FGF13: variants seen among roughly 807,000 people sequenced by gnomAD.
FGF13 encodes fibroblast growth factor homologous factor 2.
A neutral mutation model predicts 19.5 loss-of-function variants in FGF13; 2 were observed. The ratio of observed to expected loss-of-function variants is 0.10; its 90% CI spans 0.04 to 0.32. The LOEUF (loss-of-function observed/expected upper bound fraction) is 0.32. FGF13 is among the 10% of genes least tolerant of loss of function. The probability of loss-of-function intolerance (pLI) is 1.00; values close to 1 mark genes in which losing one functional copy is unlikely to be tolerated. For synonymous variants in FGF13, 72 were observed against 76.9 expected (o/e 0.94, Z 0.33); for missense variants, 113 against 192.7 (o/e 0.59, Z 2.45).
At chrX:138,649,018 T>G (rs1569353979) in intron 3 of FGF13, among the ~76,000 whole-genome samples, 2 of 112,124 alleles carry the variant, frequency 1.8e-5, no homozygotes, top group South Asian at 3.7e-4. Context: ...GCAAATATGT[T>G]GTATATATTA....
intron 1 of FGF13, among the ~76,000 whole-genome samples, chrX:138,956,269 G>A (rs1041476054): frequency 2.7e-5 from 3 of 111,818 alleles, no homozygotes; most frequent in Admixed American, 1.9e-4. Flanking sequence ...GTTGTAAAAT[G>A]GAAACAGTTC....
chrX:139,183,216 G>A (rs886436479), intron 1 of FGF13, among the ~76,000 whole-genome samples: 10 of 111,892 alleles, frequency 8.9e-5, no homozygotes, highest in African/African-American at 3.3e-4. Context: ...TCCAAATTTT[G>A]TACAAGGGAG....
chrX:139,134,854 T>C (rs1249292204), intron 1 of FGF13, among the ~76,000 whole-genome samples: 2 of 110,965 alleles, frequency 1.8e-5, no homozygotes, highest in Non-Finnish European at 3.8e-5. Context: ...TGCCATGTTG[T>C]CCCGGCTGGT....
intron 1 of FGF13, among the ~76,000 whole-genome samples, chrX:138,966,432 A>G (rs143145921): frequency 0.02 from 2,259 of 112,082 alleles, 64 homozygotes; most frequent in African/African-American, 0.07. Flanking sequence ...ATGAGAGACT[A>G]AGGAGATCAT....
chrX:138,998,909 T>C lies in FGF13; in HGVS notation c.-112-134259A>G, dbSNP rs150794409. Among the ~76,000 whole-genome samples the C allele has an allele frequency of 8.0e-4, 90 of 112,232 alleles. 2 individuals are homozygous for C. The East Asian group carries it at 0.023, about 29-fold the overall frequency. ...TCTTCTCAGCACCACATTGCACTTA[T>C]TCCAAAATTGATCACATAGTTGGAA... On this transcript the variant is annotated intron_variant, in intron 1 of 2. Coordinates refer to the FGF13 transcript ENST00000421460.
chrX:138,829,777 C>G (rs2124084740), intron 3 of FGF13, among the ~76,000 whole-genome samples: 1 of 111,632 alleles, frequency 9.0e-6, no homozygotes, highest in African/African-American at 3.3e-5. Context: ...AGTGCAGTAG[C>G]ATGATCTCAG....
intron 1 of FGF13, among the ~76,000 whole-genome samples, chrX:138,720,260 C>A (rs1255441426): frequency 8.9e-6 from 1 of 112,069 alleles, no homozygotes; most frequent in African/African-American, 3.2e-5. Flanking sequence ...ATTTGAAGAC[C>A]TGCTGTATGT....
At chrX:139,204,228 G>A (rs1167655649), upstream of FGF13, 1 of 665,544 alleles carries the variant, frequency 1.5e-6, no homozygotes, top group African/African-American at 2.2e-5. Flanking sequence ...GTGTGGTTCG[G>A]GGCGGAATCC....
At chrX:139,130,772 G>A (rs2083754591) in intron 1 of FGF13, among the ~76,000 whole-genome samples, 1 of 111,626 alleles carries the variant, frequency 9.0e-6, no homozygotes, top group African/African-American at 3.3e-5. Context: ...AATAGTGTTA[G>A]ATTTTATACC....
At chrX:138,739,711 C>T (rs938060793), upstream of FGF13, among the ~76,000 whole-genome samples, 3 of 111,538 alleles carry the variant, frequency 2.7e-5, no homozygotes, top group Admixed American at 1.9e-4. Context: ...TGAAAGTCTC[C>T]CCGATAGTGT....
intron 3 of FGF13, among the ~76,000 whole-genome samples, chrX:138,771,582 A>G (rs1256769692): frequency 2.7e-5 from 3 of 111,267 alleles, no homozygotes; most frequent in Non-Finnish European, 5.7e-5. Flanking sequence ...ACAGCTAAAC[A>G]GGGAAGATTT....
intron 3 of FGF13, among the ~76,000 whole-genome samples, chrX:138,680,867 T>A (rs1409139546): frequency 9.0e-6 from 1 of 110,997 alleles, no homozygotes; most frequent in African/African-American, 3.3e-5. Flanking sequence ...GAAGGCTACT[T>A]CATCTACATT....
chrX:139,177,238 C>CTTTTTTTTT (rs35867493), intron 1 of FGF13, among the ~76,000 whole-genome samples: 14 of 49,914 alleles, frequency 2.8e-4, no homozygotes, highest in African/African-American at 5.6e-4. Context: ...GCAACCCCTG[C>CTTTTTTTTT]TTTTTTTTTT....
intron 1 of FGF13, among the ~76,000 whole-genome samples, chrX:139,178,720 C>T (rs1391844872): frequency 8.9e-6 from 1 of 111,901 alleles, no homozygotes; most frequent in African/African-American, 3.2e-5. Flanking sequence ...AACAATACAC[C>T]ATATGTTTCA....
chrX:138,763,397 G>A (rs1032566177), intron 3 of FGF13, among the ~76,000 whole-genome samples: 2 of 111,470 alleles, frequency 1.8e-5, no homozygotes, highest in Admixed American at 9.6e-5. Flanking sequence ...TTTGGGGACC[G>A]ATAGAGAACA....
chrX:139,012,208 T>C (rs2092132051), intron 1 of FGF13, among the ~76,000 whole-genome samples: 1 of 111,692 alleles, frequency 9.0e-6, no homozygotes, highest in Admixed American at 9.5e-5. Context: ...CACAAACAAA[T>C]AGAAACACAT....
At chrX:139,166,060 T>G (rs1431345224) in intron 1 of FGF13, among the ~76,000 whole-genome samples, 1 of 111,601 alleles carries the variant, frequency 9.0e-6, no homozygotes, top group Non-Finnish European at 1.9e-5. Flanking sequence ...TCTGGAGGAC[T>G]GTTGGAAGGG....
intron 3 of FGF13, among the ~76,000 whole-genome samples, chrX:138,760,110 C>T (rs2090456823): frequency 9.0e-6 from 1 of 111,075 alleles, no homozygotes; most frequent in Admixed American, 9.6e-5. Flanking sequence ...CCTTTAGCAA[C>T]CATTATTAAG....
intron 4 of FGF13, among the ~76,000 whole-genome samples, chrX:138,635,100 G>A (rs1356817714): frequency 8.9e-6 from 1 of 112,235 alleles, no homozygotes; most frequent in East Asian, 2.8e-4. Context: ...GCAGCAACTT[G>A]GATGGAGCTG....
Sources: gnomAD v4.1 joint callset for allele counts (sites outside exome capture counted in the v4.1 genomes callset) on GRCh38, gnomAD v4.1.1 for gene constraint, MANE v1.5 for transcripts, NCBI Gene and HGNC (gene_info 2026-07-23, HGNC 2026-07-21) for gene names.